Variants in CNTNAP2 observed in about 807,000 individuals in gnomAD.
The protein encoded by CNTNAP2 is contactin associated protein 2, also known as contactin-associated protein-like 2.
In CNTNAP2, 98 loss-of-function variants were observed where a neutral mutation model predicts 155.2. That is an observed-to-expected ratio of 0.63 (90% CI 0.54 to 0.75). The LOEUF is 0.75. Among genes scored for constraint, CNTNAP2 ranks in the 30% least tolerant of loss-of-function variants. The pLI, the probability that CNTNAP2 is intolerant of heterozygous loss-of-function variation, is 0.00. For missense variants in CNTNAP2, 1,727 were observed against 1,688.1 expected, an observed-to-expected ratio of 1.02 and a Z score of -0.40; for synonymous variants, 651 against 631.2, an observed-to-expected ratio of 1.03 and a Z score of -0.47.
chr7:146,758,855 C>G (rs911640871), intron 1 of CNTNAP2, among the ~76,000 whole-genome samples: 7 of 152,144 alleles, frequency 4.6e-5, no homozygotes, highest in Non-Finnish European at 8.8e-5. Flanking sequence ...TTAGAACTTT[C>G]AGGACTTGAA....
chr7:148,101,050 G>T (rs375883531), intron 15 of CNTNAP2, among the ~76,000 whole-genome samples: 1 of 147,016 alleles, frequency 6.8e-6, no homozygotes, highest in South Asian at 2.2e-4. Flanking sequence ...AAACACCACC[G>T]CATGTTCTCA....
At chr7:146,959,351 C>T (rs542938710) in intron 3 of CNTNAP2, among the ~76,000 whole-genome samples, 5 of 152,178 alleles carry the variant, frequency 3.3e-5, no homozygotes, top group African/African-American at 9.6e-5. Context: ...AAATCTTTCT[C>T]TTATTGGTAT....
intron 21 of CNTNAP2, among the ~76,000 whole-genome samples, chr7:148,382,520 G>GGA (rs1799088968): frequency 1.3e-5 from 2 of 152,164 alleles, no homozygotes; most frequent in South Asian, 4.1e-4. Flanking sequence ...TCTAAAAGAG[G>GGA]AGACAAAACT....
chr7:148,116,574 A>C (rs754404361), intron 15 of CNTNAP2, among the ~76,000 whole-genome samples: 1 of 152,206 alleles, frequency 6.6e-6, no homozygotes, highest in South Asian at 2.1e-4. Flanking sequence ...TAATATGCCT[A>C]AGTTTATCTT....
At chr7:147,046,095 G>T (rs756441302) in intron 4 of CNTNAP2, among the ~76,000 whole-genome samples, 7 of 152,062 alleles carry the variant, frequency 4.6e-5, no homozygotes, top group African/African-American at 4.8e-5. Context: ...TTACCCAAAA[G>T]CACATAGCCT....
intron 14 of CNTNAP2, among the ~76,000 whole-genome samples, chr7:147,947,445 C>A (rs529774453): frequency 6.7e-4 from 81 of 120,650 alleles, no homozygotes; most frequent in Middle Eastern, 3.7e-3. Context: ...TAGGGAGACC[C>A]TGTCTCTACA....
chr7:148,385,743 T>G (rs1354503528), intron 22 of CNTNAP2, among the ~76,000 whole-genome samples: 7 of 67,248 alleles, frequency 1.0e-4, no homozygotes, highest in African/African-American at 3.5e-4. Flanking sequence ...CAGGTTTTTT[T>G]TTTTTTTTTT....
At chr7:148,044,984 G>A (rs113857651) in intron 15 of CNTNAP2, among the ~76,000 whole-genome samples, 2,078 of 152,170 alleles carry the variant, frequency 0.014, 66 homozygotes, top group African/African-American at 0.047. Flanking sequence ...GAGCCACCAC[G>A]CCCAGCCACC....
At chr7:147,220,641 T>C (rs940208301) in intron 8 of CNTNAP2, among the ~76,000 whole-genome samples, 2 of 152,210 alleles carry the variant, frequency 1.3e-5, no homozygotes, top group African/African-American at 2.4e-5. Context: ...TTTTCTGCCT[T>C]TTGTAGTTTC....
At chr7:146,622,265 A>ATCTATCTG (rs1287848211) in intron 1 of CNTNAP2, among the ~76,000 whole-genome samples, 2 of 146,820 alleles carry the variant, frequency 1.4e-5, no homozygotes, top group East Asian at 4.0e-4. Context: ...CTATCTATCT[A>ATCTATCTG]TCTATCTATC....
At chr7:147,379,845 T>C (rs1796503941) in intron 9 of CNTNAP2, among the ~76,000 whole-genome samples, 1 of 152,046 alleles carries the variant, frequency 6.6e-6, no homozygotes, top group South Asian at 2.1e-4. Context: ...AAATTCTGCA[T>C]TGTAAAGATT....
intron 13 of CNTNAP2, among the ~76,000 whole-genome samples, chr7:147,833,323 T>A (rs1798585046): frequency 6.6e-6 from 1 of 152,252 alleles, no homozygotes; most frequent in African/African-American, 2.4e-5. Context: ...AGCTGCGTGA[T>A]CTTGAGCAAG....
At chr7:148,363,729 C>G (rs1055106624) in intron 21 of CNTNAP2, among the ~76,000 whole-genome samples, 23 of 152,326 alleles carry the variant, frequency 1.5e-4, no homozygotes, top group African/African-American at 4.8e-4. Flanking sequence ...ATTTGAGGAG[C>G]CCTTCAGTCC....
At chr7:147,866,532 C>T (rs1159540421) in intron 13 of CNTNAP2, among the ~76,000 whole-genome samples, 1 of 152,118 alleles carries the variant, frequency 6.6e-6, no homozygotes, top group African/African-American at 2.4e-5. Context: ...TAAAGTCTCC[C>T]ATTATTATTG....
chr7:147,736,621 C>CAATGG (rs1377912807), intron 13 of CNTNAP2, among the ~76,000 whole-genome samples: 163 of 152,272 alleles, frequency 1.1e-3, no homozygotes, highest in African/African-American at 3.7e-3. Context: ...GAGTGTTTTC[C>CAATGG]AACTTGGTTC....
intron 1 of CNTNAP2, among the ~76,000 whole-genome samples, chr7:146,248,896 C>T (rs1326761369): frequency 2.6e-5 from 4 of 152,000 alleles, no homozygotes; most frequent in Non-Finnish European, 4.4e-5. Context: ...TGCAGGCAGG[C>T]TGAGTCCGAA....
intron 1 of CNTNAP2, among the ~76,000 whole-genome samples, chr7:146,298,296 A>G (rs949277800): frequency 6.6e-6 from 1 of 152,192 alleles, no homozygotes; most frequent in Non-Finnish European, 1.5e-5. Flanking sequence ...TACTGTTCAC[A>G]GTGCTTGGAG....
chr7:147,553,761 A>G (rs1164122595), intron 11 of CNTNAP2, among the ~76,000 whole-genome samples: 5 of 152,112 alleles, frequency 3.3e-5, no homozygotes, highest in African/African-American at 1.2e-4. Context: ...GGCCAAGGTC[A>G]GGTGTAAGAG....
intron 1 of CNTNAP2, among the ~76,000 whole-genome samples, chr7:146,731,892 T>A (rs1168218164): frequency 1.3e-5 from 2 of 152,162 alleles, no homozygotes; most frequent in African/African-American, 4.8e-5. Flanking sequence ...CCTTAGTTTT[T>A]GTCAATAGTT....
Sources: gnomAD v4.1 joint callset for allele counts (sites outside exome capture counted in the v4.1 genomes callset) on GRCh38, gnomAD v4.1.1 for gene constraint, MANE v1.5 for transcripts, NCBI Gene and HGNC (gene_info 2026-07-23, HGNC 2026-07-21) for gene names.